The following HNRNPR variants were observed in gnomAD, a reference collection of about 807,000 sequenced individuals.
HNRNPR encodes heterogeneous nuclear ribonucleoprotein R.
HNRNPR carries 4 observed loss-of-function variants against 70.3 expected under a neutral mutation model. That is an observed-to-expected ratio of 0.06 (90% CI 0.03 to 0.13). The LOEUF is 0.13. HNRNPR is among the 10% of genes least tolerant of loss of function. The pLI is 1.00. For missense variants in HNRNPR, 423 were observed against 788.5 expected (o/e 0.54, Z 5.55); for synonymous variants, 241 against 267.6 (o/e 0.90, Z 0.97).
intron 4 of HNRNPR, among the ~76,000 whole-genome samples, chr1:23,336,644 G>T (rs1327942467): frequency 6.7e-6 from 1 of 150,030 alleles, no homozygotes; most frequent in African/African-American, 2.5e-5. Flanking sequence ...CAGCTACTCA[G>T]GAGGCTGAGG....
chr1:23,314,304 T>C (rs1157595779), intron 8 of HNRNPR, among the ~76,000 whole-genome samples: 3 of 152,128 alleles, frequency 2.0e-5, no homozygotes, highest in Non-Finnish European at 4.4e-5. Context: ...GATTCCTTTA[T>C]ATAACACTGG....
Position 23,310,651 on chromosome 1 carries a change from CATTGCCCCCACG to C in HNRNPR, c.1693_1704del (p.Arg565_Asn568del). 6.2e-7 allele frequency: 1 copy of C among 1,613,810 alleles called. No individual in the cohort carries two copies. Among genetic ancestry groups the C allele is most frequent in the Non-Finnish European group, 8.5e-7 (1 of 1,179,830 alleles). On this transcript the variant is annotated inframe_deletion, in exon 11 of 11. Coordinates refer to ENST00000302271, the MANE Select transcript of HNRNPR (RefSeq NM_005826.5). This position sits in a 1 kb window ranked among gnomAD's most constrained non-coding sequence, Gnocchi z 6.0. ...CCATCTGCCTTTCTCTTGCCTCCTA[CATTGCCCCCACG>C]ATTGCCCCGAGATCCACGGGAACCA... is the stretch of plus-strand genomic sequence containing the variant.
At position 23,304,703 on chromosome 1, in the gene HNRNPR, A is replaced by G. The variant is rs1446759948; in HGVS notation, c.*5751T>C. On this transcript the variant is annotated 3_prime_UTR_variant, in exon 11 of 11. Transcript: ENST00000302271. ...CAACACAACATTTTGAACATGTTAA[A>G]TTTTATTAAAAATATTTAACATCGT... is the stretch of plus-strand genomic sequence containing the variant. The G allele has an allele frequency of 6.6e-6, 1 of 152,226 alleles. No homozygotes were observed. The highest frequency in any genetic ancestry group is 2.4e-5 in the African/African-American group (1 of 41,456). 9.4% of individuals were successfully genotyped at this position (152,226 alleles called of 1,614,324 possible).
rs751308232 is a variant in HNRNPR, at chr1:23,310,412, C to T, written c.*42G>A. On this transcript the variant is annotated 3_prime_UTR_variant, in exon 11 of 11. Transcript: ENST00000302271. This position sits in a 1 kb window ranked among gnomAD's most constrained non-coding sequence, Gnocchi z 6.0. ...TTTTTTGAAGAATGTAGATCTAGAGCCAATCGTATCTTGCCAGTATCATTT... is the reference window on the plus strand; with the variant it reads ...TTTTTTGAAGAATGTAGATCTAGAGTCAATCGTATCTTGCCAGTATCATTT... 7.9e-6 allele frequency: 12 copies of T among 1,512,136 alleles called. No individual in the cohort carries two copies. The highest frequency in any genetic ancestry group is 8.8e-6 in the Non-Finnish European group (10 of 1,132,818). The allele number at this position is 1,512,136 out of a possible 1,614,324, so 93.7% of individuals were successfully genotyped here.
chr1:23,325,993 T>C (rs1645958197), intron 5 of HNRNPR, among the ~76,000 whole-genome samples: 1 of 152,106 alleles, frequency 6.6e-6, no homozygotes, highest in Admixed American at 6.5e-5. Context: ...CTCAAGTAGC[T>C]GGGACCAGAG....
chr1:23,327,477 C>A (rs927612532), intron 5 of HNRNPR, among the ~76,000 whole-genome samples: 1 of 152,060 alleles, frequency 6.6e-6, no homozygotes, highest in Non-Finnish European at 1.5e-5. Flanking sequence ...CACTTTAAGT[C>A]AGGAGTTTGA....
intron 4 of HNRNPR, among the ~76,000 whole-genome samples, chr1:23,334,480 C>T (rs773306993): frequency 2.0e-5 from 3 of 152,092 alleles, no homozygotes; most frequent in Non-Finnish European, 4.4e-5. Flanking sequence ...TCGTGATCCA[C>T]CCGACTTGGC....
At chr1:23,337,297 G>A (rs547406676) in intron 4 of HNRNPR, among the ~76,000 whole-genome samples, 14 of 152,176 alleles carry the variant, frequency 9.2e-5, no homozygotes, top group South Asian at 4.2e-4. Flanking sequence ...ATTGAGTGTC[G>A]ATCCCCAAAA....
intron 7 of HNRNPR, among the ~76,000 whole-genome samples, chr1:23,321,118 G>A (rs983253805): frequency 1.1e-4 from 14 of 131,396 alleles, no homozygotes; most frequent in African/African-American, 3.8e-4. Flanking sequence ...AGCCGAGATC[G>A]TACCATTGCA....
chr1:23,318,380 A>C lies in HNRNPR; in HGVS notation c.1017+103T>G. 1 of 981,990 alleles carries C rather than the reference A, an allele frequency of 1.0e-6. No individual in the cohort carries two copies. Among genetic ancestry groups the C allele is most frequent in the Non-Finnish European group, 1.5e-6 (1 of 648,788 alleles). The allele number at this position is 981,990 out of a possible 1,614,324, so 60.8% of individuals were successfully genotyped here. Reference sequence around the variant, plus strand: ...TCCTTGCCAAACAGTTGAAGTCTAAAGCTACAATTTCTATTTATCATAAAA... The same window carrying C: ...TCCTTGCCAAACAGTTGAAGTCTAACGCTACAATTTCTATTTATCATAAAA... On this transcript the variant is annotated intron_variant, in intron 8 of 10. Coordinates refer to ENST00000302271, the MANE Select transcript of HNRNPR (RefSeq NM_005826.5). This position sits in a 1 kb window ranked among gnomAD's most constrained non-coding sequence, Gnocchi z 4.2.
At chr1:23,329,048 G>A (rs1646113569) in intron 5 of HNRNPR, among the ~76,000 whole-genome samples, 1 of 152,148 alleles carries the variant, frequency 6.6e-6, no homozygotes, top group South Asian at 2.1e-4. Context: ...CTAAACCCAG[G>A]AGTTTGAGGT....
At chr1:23,330,075 C>T (rs947084683) in intron 5 of HNRNPR, among the ~76,000 whole-genome samples, 1 of 152,168 alleles carries the variant, frequency 6.6e-6, no homozygotes, top group African/African-American at 2.4e-5. Context: ...GTTAAATACA[C>T]TGGGGTTCTG....
intron 7 of HNRNPR, among the ~76,000 whole-genome samples, chr1:23,319,312 T>C (rs1645667884): frequency 6.6e-6 from 1 of 152,344 alleles, no homozygotes; most frequent in South Asian, 2.1e-4. Flanking sequence ...GTATCCTCTT[T>C]GATGTCTTAG....
At chr1:23,315,296 A>AC (rs547973552) in intron 8 of HNRNPR, among the ~76,000 whole-genome samples, 9,594 of 138,804 alleles carry the variant, frequency 0.069, 750 homozygotes, top group Non-Finnish European at 0.1. Flanking sequence ...AAAAAAAAAA[A>AC]AAAAAAAAAC....
intron 5 of HNRNPR, 147 bp downstream of exon 5, chr1:23,333,371 G>A: frequency 1.8e-6 from 1 of 564,498 alleles, no homozygotes; most frequent in Non-Finnish European, 3.2e-6. Flanking sequence ...CATGATGGCA[G>A]CAAAATACAA....
At position 23,318,014 on chromosome 1, in the gene HNRNPR, A is replaced by T. The variant is rs1271062338; in HGVS notation, c.1017+469T>A. On this transcript the variant is annotated intron_variant, in intron 8 of 10. Transcript: ENST00000302271. This position sits in a 1 kb window ranked among gnomAD's most constrained non-coding sequence, Gnocchi z 4.2. ...TAATAATAAATAAAATATTTTTAAAAATAAAAACTACAAAAAAAGCTTAAA... is the reference window on the plus strand; with the variant it reads ...TAATAATAAATAAAATATTTTTAAATATAAAAACTACAAAAAAAGCTTAAA... 6.6e-6 allele frequency among the ~76,000 whole-genome samples: 1 copy of T among 150,586 alleles called. No homozygotes were observed. Among genetic ancestry groups the T allele is most frequent in the Non-Finnish European group, 1.5e-5 (1 of 67,846 alleles).
At chr1:23,319,326 T>C (rs992139474) in intron 7 of HNRNPR, among the ~76,000 whole-genome samples, 2 of 152,208 alleles carry the variant, frequency 1.3e-5, no homozygotes, top group East Asian at 1.9e-4. Flanking sequence ...GTCTTAGACA[T>C]TGCAAATTTA....
chr1:23,331,705 G>A (rs1557901707), intron 5 of HNRNPR, among the ~76,000 whole-genome samples: 1 of 151,630 alleles, frequency 6.6e-6, no homozygotes, highest in Non-Finnish European at 1.5e-5. Flanking sequence ...TTGGTGGCAT[G>A]AGTCCATAGT....
intron 8 of HNRNPR, among the ~76,000 whole-genome samples, chr1:23,315,233 T>C (rs1645485975): frequency 7.0e-6 from 1 of 142,896 alleles, no homozygotes; most frequent in Non-Finnish European, 1.5e-5. Flanking sequence ...TGAGCCAAGA[T>C]TACACCACTG....
Sources: allele counts gnomAD v4.1 joint callset (sites outside exome capture counted in the v4.1 genomes callset), GRCh38; gene constraint gnomAD v4.1.1; non-coding constraint Gnocchi (gnomAD v3.1); transcripts MANE v1.5; gene names NCBI Gene and HGNC (gene_info 2026-07-23, HGNC 2026-07-21).